The following GRTP1 variants were observed in gnomAD, a reference collection of about 807,000 sequenced individuals.
GRTP1 encodes growth hormone regulated TBC protein 1.
In GRTP1, 56 loss-of-function variants were observed where a neutral mutation model predicts 38.1. The observed-to-expected ratio is 1.47, with a 90% CI of 1.19 to 1.84. The LOEUF (loss-of-function observed/expected upper bound fraction) is 1.84, where lower values mean the gene tolerates loss of function less well. Among genes scored for constraint, GRTP1 ranks in the 40% most tolerant of loss-of-function variants. GRTP1 has a pLI of 0.00. For synonymous variants in GRTP1, 217 were observed against 189.5 expected, an observed-to-expected ratio of 1.14 and a Z score of -1.19; for missense variants, 506 against 453.9, an observed-to-expected ratio of 1.11 and a Z score of -1.04.
chr13:113,333,838 AGTGTGTGTGT>A (rs1555314877), intron 5 of GRTP1, among the ~76,000 whole-genome samples: 2 of 23,542 alleles, frequency 8.5e-5, no homozygotes, highest in Non-Finnish European at 3.5e-4. Flanking sequence ...TTATTTATTT[AGTGTGTGTGT>A]GTGTGTGTGT....
chr13:113,363,787 G>A lies in GRTP1; in HGVS notation c.156C>T (p.Gly52=), dbSNP rs779390423. ...CTGTCCGGCTCCTGGGGACGCCCCCGCCCTGCAGCAGCCGGGACCATTTGA... is the reference window on the plus strand; with the variant it reads ...CTGTCCGGCTCCTGGGGACGCCCCCACCCTGCAGCAGCCGGGACCATTTGA... The part of the protein sequence containing the change: ...RAIKWSRLLQ[G]GGVPRSRTVK... The change falls in exon 2 of 8, where the codon GGC becomes GGT. Residue 52 remains glycine, a synonymous_variant. Coordinates refer to ENST00000375431, the MANE Select transcript of GRTP1 (RefSeq NM_024719.4). 1.9e-6 allele frequency: 3 copies of A among 1,609,960 alleles called. No individual in the cohort carries two copies. The highest frequency in any genetic ancestry group is 2.7e-5 in the African/African-American group (2 of 74,884).
intron 5 of GRTP1, among the ~76,000 whole-genome samples, chr13:113,338,592 T>A (rs1213351732): frequency 6.6e-6 from 1 of 152,048 alleles, no homozygotes; most frequent in African/African-American, 2.4e-5. Flanking sequence ...AGCTACTTAA[T>A]CCCCACCAGT....
chr13:113,325,510 G>T, intron 7 of GRTP1, 151 bp downstream of exon 7: 1 of 1,500,380 alleles, frequency 6.7e-7, no homozygotes, highest in Non-Finnish European at 8.9e-7. Context: ...GGCGCAGGGG[G>T]CAGATGCAGG....
At chr13:113,332,103 T>TA (rs2042879401) in intron 5 of GRTP1, among the ~76,000 whole-genome samples, 1 of 151,824 alleles carries the variant, frequency 6.6e-6, no homozygotes, top group African/African-American at 2.4e-5. Context: ...AAATAAATTT[T>TA]AAAAAACCTA....
chr13:113,338,815 G>C (rs1202989249), intron 5 of GRTP1, among the ~76,000 whole-genome samples: 1 of 152,000 alleles, frequency 6.6e-6, no homozygotes, highest in Non-Finnish European at 1.5e-5. Flanking sequence ...GGGTTCACAG[G>C]TCTGCTGGCC....
Position 113,324,661 on chromosome 13 carries a change from G to C in GRTP1, c.922-84C>G, listed in dbSNP as rs1449565360. 2.0e-6 allele frequency: 3 copies of C among 1,515,148 alleles called. No individual in the cohort carries two copies. The Admixed American group carries it at 6.2e-5, about 31-fold the overall frequency. 93.9% of individuals were successfully genotyped at this position (1,515,148 alleles called of 1,614,324 possible). The stretch of plus-strand genomic sequence containing the variant: ...TCCCAGACTGGCAGGCAGGCAGACA[G>C]GCCTCGTGTGAGGTGAGGGAGGAGC... On this transcript the variant is annotated intron_variant, in intron 7 of 7. Coordinates refer to ENST00000375431, the MANE Select transcript of GRTP1 (RefSeq NM_024719.4).
chr13:113,330,054 C>G (rs114643768), intron 5 of GRTP1, among the ~76,000 whole-genome samples: 3 of 148,798 alleles, frequency 2.0e-5, no homozygotes, highest in Admixed American at 1.3e-4. Flanking sequence ...CATGGAAACC[C>G]GGGTGCGTGC....
intron 2 of GRTP1, among the ~76,000 whole-genome samples, chr13:113,362,972 T>A (rs1795566090): frequency 6.6e-6 from 1 of 152,196 alleles, no homozygotes. Context: ...TGCCCCAGGT[T>A]CTGAGGACTG....
rs532947367 is a variant in GRTP1, at chr13:113,355,477, C to T, written c.186G>A (p.Lys62=). The change falls in exon 3 of 8, where the codon AAG becomes AAA. Residue 62 remains lysine, a synonymous_variant. Transcript: ENST00000375431. The part of the protein sequence containing the change: ...GGGVPRSRTV[K]RYVRKGVPLE... ...GCGGGACCCCTTTCCGGACATAGCG[C>T]TTCACTGAAGGCCGAGAGGACGGAC... 1.1e-4 allele frequency: 169 copies of T among 1,608,942 alleles called. No individual in the cohort carries two copies. The African/African-American group carries it at 2.1e-3, about 20-fold the overall frequency.
At chr13:113,344,715 A>AG (rs2043073948) in intron 5 of GRTP1, 148 bp downstream of exon 5, 1 of 350,158 alleles carries the variant, frequency 2.9e-6, no homozygotes, top group Admixed American at 5.7e-5. Flanking sequence ...TCCGTCTCAA[A>AG]AAAAAAAAAA....
chr13:113,357,318 G>A (rs1318066507), intron 2 of GRTP1, among the ~76,000 whole-genome samples: 7 of 151,822 alleles, frequency 4.6e-5, no homozygotes, highest in South Asian at 2.1e-4. Context: ...GATGGCTCAC[G>A]TCTGTAGTCC....
Position 113,348,171 on chromosome 13 carries a change from C to T in GRTP1, c.465+2678G>A, listed in dbSNP as rs374186210. On this transcript the variant is annotated intron_variant, in intron 4 of 7. Coordinates refer to ENST00000375431, the MANE Select transcript of GRTP1 (RefSeq NM_024719.4). The surrounding 1 kb of genome is among the most constrained non-coding windows in gnomAD (Gnocchi z 4.8). ...GTGGGTGATCATCGTGGAGAAAAAGCAGAACATAGCCAGGCACAGTGGGGG... is the reference window on the plus strand; with the variant it reads ...GTGGGTGATCATCGTGGAGAAAAAGTAGAACATAGCCAGGCACAGTGGGGG... Among the ~76,000 whole-genome samples, 4 of 152,284 alleles carry T rather than the reference C, an allele frequency of 2.6e-5. No individual in the cohort carries two copies. The East Asian group carries it at 5.8e-4, about 22-fold the overall frequency.
intron 2 of GRTP1, among the ~76,000 whole-genome samples, chr13:113,359,097 G>A (rs950907509): frequency 1.3e-4 from 20 of 152,202 alleles, no homozygotes; most frequent in African/African-American, 4.8e-4. Flanking sequence ...ACAAGGTCCT[G>A]GATGGATCTC....
At chr13:113,337,255 A>G (rs929821515) in intron 5 of GRTP1, among the ~76,000 whole-genome samples, 1 of 152,218 alleles carries the variant, frequency 6.6e-6, no homozygotes, top group African/African-American at 2.4e-5. Flanking sequence ...TGATGGTGCC[A>G]CTGTACTCCA....
rs554793435 is a variant in GRTP1, at chr13:113,348,511, G to T, written c.465+2338C>A. Among the ~76,000 whole-genome samples the T allele has an allele frequency of 1.3e-5, 2 of 152,144 alleles. No homozygotes were observed. The highest frequency in any genetic ancestry group is 2.9e-5 in the Non-Finnish European group (2 of 68,026). On this transcript the variant is annotated intron_variant, in intron 4 of 7. Coordinates refer to ENST00000375431, the MANE Select transcript of GRTP1 (RefSeq NM_024719.4). The surrounding 1 kb of genome is among the most constrained non-coding windows in gnomAD (Gnocchi z 4.8). The stretch of plus-strand genomic sequence containing the variant: ...GTGTTGCCCGCCCCAAAATTCATCT[G>T]TTGAAGTCCTAACCCCTAGTACCTC...
intron 2 of GRTP1, among the ~76,000 whole-genome samples, chr13:113,357,949 C>T (rs190231520): frequency 6.6e-6 from 1 of 152,230 alleles, no homozygotes; most frequent in African/African-American, 2.4e-5. Flanking sequence ...GAGGCCAAGG[C>T]GGGTGGATCA....
chr13:113,356,253 A>AT (rs2043383052), intron 2 of GRTP1, among the ~76,000 whole-genome samples: 3 of 152,010 alleles, frequency 2.0e-5, no homozygotes, highest in Non-Finnish European at 2.9e-5. Flanking sequence ...ACTACACTAT[A>AT]TATATTTTAT....
At chr13:113,351,374 A>G (rs1289310926) in intron 3 of GRTP1, among the ~76,000 whole-genome samples, 1 of 152,244 alleles carries the variant, frequency 6.6e-6, no homozygotes, top group Non-Finnish European at 1.5e-5. Context: ...AGAAATGCAC[A>G]CAAAACTTTG....
At chr13:113,359,821 G>A (rs1007925237) in intron 2 of GRTP1, 1 of 152,188 alleles carries the variant, frequency 6.6e-6, no homozygotes, top group African/African-American at 2.4e-5. Context: ...TTTTTGATAA[G>A]TTTGTTATCT....
Sources: gnomAD v4.1 joint callset for allele counts (sites outside exome capture counted in the v4.1 genomes callset) on GRCh38, gnomAD v4.1.1 for gene constraint, Gnocchi (gnomAD v3.1) non-coding constraint, MANE v1.5 for transcripts, NCBI Gene and HGNC (gene_info 2026-07-23, HGNC 2026-07-21) for gene names.